Variants in MICALL2 observed in about 807,000 individuals in gnomAD.
The protein encoded by MICALL2 is MICAL-like protein 2.
In MICALL2, 111 loss-of-function variants were observed where a neutral mutation model predicts 91.1. The observed-to-expected ratio is 1.22, with a 90% CI of 1.04 to 1.43. The LOEUF is 1.43. MICALL2 is among the 40% of genes most tolerant of loss of function. The probability of loss-of-function intolerance (pLI) is 0.00; values close to 1 mark genes in which losing one functional copy is unlikely to be tolerated. For missense variants in MICALL2, 1,556 were observed against 1,236.0 expected (o/e 1.26, Z -3.88); for synonymous variants, 694 against 525.3 (o/e 1.32, Z -4.39).
rs376582089 is a variant in MICALL2 at position 1,455,744 on chromosome 7, C to T, written c.143+3440G>A. The stretch of plus-strand genomic sequence containing the variant: ...ACAGCTGCTCTCCCTGAGGGCCAAG[C>T]GGAAGTGCTCTCTGCGTGCAGCAGG... On this transcript the variant is annotated intron_variant, in intron 1 of 16. Coordinates refer to ENST00000297508, the MANE Select transcript of MICALL2 (RefSeq NM_182924.4). 1.1e-4 allele frequency among the ~76,000 whole-genome samples: 17 copies of T among 152,038 alleles called. No individual in the cohort carries two copies. The South Asian group carries it at 1.7e-3, about 15-fold the overall frequency.
chr7:1,445,252 G>C lies in MICALL2; in HGVS notation c.818C>G (p.Pro273Arg). 2 of 1,612,366 alleles carry C rather than the reference G, an allele frequency of 1.2e-6. No individual in the cohort carries two copies. Among genetic ancestry groups the C allele is most frequent in the South Asian group, 1.1e-5 (1 of 91,038 alleles). ...MGVDSRTSCS[P>R]QKAQEANKAR... The stretch of plus-strand genomic sequence containing the variant: ...CTTGTTTGCCTCCTGGGCCTTCTGT[G>C]GGGAACAGGAGGTCCTGGAATCCAC... Residue 273 changes from proline to arginine, a missense_variant, in exon 6 of 17, where the codon CCA (proline) becomes CGA (arginine). Pro to Arg is a moderately radical substitution (Grantham distance 103, BLOSUM62 -2). Transcript: ENST00000297508.
chr7:1,442,255 C>T lies in MICALL2; in HGVS notation c.1648G>A (p.Ala550Thr), dbSNP rs1006052955. ...GCCTCTGGCTTCGGCCTGGAGCCAGCACCCACCCTGCCGACCCCTGAGGAT... is the reference window on the plus strand; with the variant it reads ...GCCTCTGGCTTCGGCCTGGAGCCAGTACCCACCCTGCCGACCCCTGAGGAT... Reference protein sequence around the residue: ...AESSGVGRVGAGSRPKPEAPM... With the variant: ...AESSGVGRVGTGSRPKPEAPM... The change falls in exon 7 of 17, where the codon GCT becomes ACT. Residue 550 changes from alanine to threonine, a missense_variant. Transcript: ENST00000297508. 5.6e-6 allele frequency: 9 copies of T among 1,612,748 alleles called. No homozygotes were observed. The highest frequency in any genetic ancestry group is 1.3e-5 in the African/African-American group (1 of 74,924).
chr7:1,447,056 C>T (rs904865070), intron 4 of MICALL2, among the ~76,000 whole-genome samples: 3 of 152,144 alleles, frequency 2.0e-5, no homozygotes, highest in Non-Finnish European at 4.4e-5. Flanking sequence ...AGTGGTCCTT[C>T]GGTGGCTGGG....
At chr7:1,447,495 G>A (rs368411416) in intron 4 of MICALL2, 80 bp downstream of exon 4, 68 of 863,274 alleles carry the variant, frequency 7.9e-5, no homozygotes, top group African/African-American at 6.3e-4. Context: ...CTTAGGGGCC[G>A]CACGTAGTCC....
chr7:1,443,156 C>T (rs1780390493), intron 6 of MICALL2, among the ~76,000 whole-genome samples: 1 of 149,164 alleles, frequency 6.7e-6, no homozygotes, highest in Non-Finnish European at 1.5e-5. Flanking sequence ...AGGCCAGCTT[C>T]CCCAGAGGAG....
chr7:1,438,868 C>T lies in MICALL2; in HGVS notation c.2094G>A (p.Glu698=), dbSNP rs776075057. The stretch of plus-strand genomic sequence containing the variant: ...GTTTGCCCTGAAGGTGAGGTTTCTT[C>T]TCCTCCTCCTTCCAGCTCTGCACTC... The part of the protein sequence containing the change: ...EARVQSWKEE[E]KKPHLQGKPG... Residue 698 remains glutamate (E), a synonymous_variant, in exon 10 of 17, where the codon GAG becomes GAA. Transcript: ENST00000297508. 3.7e-6 allele frequency: 6 copies of T among 1,608,980 alleles called. No homozygotes were observed. Among genetic ancestry groups the T allele is most frequent in the Admixed American group, 3.3e-5 (2 of 59,948 alleles).
rs1297733107 is a variant in MICALL2 at position 1,438,480 on chromosome 7, C to T, written c.2123-127G>A. 8.1e-6 allele frequency: 12 copies of T among 1,483,210 alleles called. No homozygotes were observed. The South Asian group carries it at 1.5e-4, about 18-fold the overall frequency. The allele number at this position is 1,483,210 out of a possible 1,614,324, so 91.9% of individuals were successfully genotyped here. A position where few individuals can be genotyped will look rare whatever the true frequency, so the allele number is the denominator to read the frequency against. On this transcript the variant is annotated intron_variant, in intron 10 of 16. Transcript: ENST00000297508. ...CCCCAGCCCTGCCTCCCTAATGCCC[C>T]ACACGCCCACTGGACTGCCCTGACC... is the stretch of plus-strand genomic sequence containing the variant.
chr7:1,450,587 G>A (rs1360945812), intron 1 of MICALL2: 9 of 378,620 alleles, frequency 2.4e-5, no homozygotes, highest in Non-Finnish European at 3.0e-5. Flanking sequence ...CAGGAAGCAG[G>A]CCTGGGAGGT....
chr7:1,444,502 C>A (rs777713204), intron 6 of MICALL2, 150 bp downstream of exon 6: 553 of 803,266 alleles, frequency 6.9e-4, no homozygotes, highest in Admixed American at 2.9e-3. Flanking sequence ...CCTCCCCATT[C>A]CCCAGAGAAG....
intron 1 of MICALL2, among the ~76,000 whole-genome samples, chr7:1,455,779 G>A (rs530749118): frequency 2.6e-5 from 4 of 152,106 alleles, no homozygotes; most frequent in Non-Finnish European, 5.9e-5. Context: ...GAAGGACTAA[G>A]GCCAGACAAA....
At chr7:1,454,166 TGGGGAGGGC>T (rs1210345172) in intron 1 of MICALL2, among the ~76,000 whole-genome samples, 1 of 71,898 alleles carries the variant, frequency 1.4e-5, no homozygotes, top group Non-Finnish European at 2.7e-5. Context: ...CGCCATGGAG[TGGGGAGGGC>T]GGGGGGGTGC....
At chr7:1,437,377 G>GTT in intron 14 of MICALL2, 158 bp downstream of exon 14, 9 of 636,446 alleles carry the variant, frequency 1.4e-5, no homozygotes, top group Non-Finnish European at 2.4e-5. Context: ...ACACAGCCAG[G>GTT]AGGTGGGAGA....
intron 14 of MICALL2, 124 bp from the exon 15 acceptor site, chr7:1,436,980 G>T: frequency 3.1e-6 from 2 of 641,586 alleles, no homozygotes; most frequent in Non-Finnish European, 5.0e-6. Flanking sequence ...GTCTTGGGGG[G>T]ATCCGGAGCA....
rs10435184 is a variant in MICALL2, at chr7:1,444,936, A to G, written c.1134T>C (p.Gly378=). 1,502,198 of 1,520,126 alleles carry G rather than the reference A, an allele frequency of 0.99. 742,289 individuals are homozygous for G. The highest frequency in any genetic ancestry group is 1 in the East Asian group (41,548 of 41,548). The allele number at this position is 1,520,126 out of a possible 1,614,324, so 94.2% of individuals were successfully genotyped here. A position where few individuals can be genotyped will look rare whatever the true frequency, so the allele number is the denominator to read the frequency against. Residue 378 remains glycine, a synonymous_variant, in exon 6 of 17, where the codon GGT becomes GGC. Coordinates refer to ENST00000297508, the MANE Select transcript of MICALL2 (RefSeq NM_182924.4). The part of the protein sequence containing the change: ...APDPRPATPQ[G]GGAPRVAAPQ... ...GAGCTGCCACTCGGGGGGCTCCCCC[A>G]CCCTGGGGTGTGGCCGGGCGAGGGT...
At chr7:1,458,333 C>G (rs1383295087) in intron 1 of MICALL2, among the ~76,000 whole-genome samples, 1 of 152,204 alleles carries the variant, frequency 6.6e-6, no homozygotes, top group Non-Finnish European at 1.5e-5. Flanking sequence ...ACCTTCCCAC[C>G]AAAAACACAC....
chr7:1,449,330 T>C (rs2128524159), intron 2 of MICALL2, among the ~76,000 whole-genome samples: 1 of 152,302 alleles, frequency 6.6e-6, no homozygotes, highest in South Asian at 2.1e-4. Flanking sequence ...TATTATTATG[T>C]TTTTGGAGAC....
chr7:1,439,343 C>G (rs181738886), intron 9 of MICALL2: 441 of 269,126 alleles, frequency 1.6e-3, no homozygotes, highest in African/African-American at 8.9e-3. Context: ...CACGTGGACA[C>G]ACATGCATCA....
chr7:1,440,733 G>GGGGTGTCTGCAA (rs745450570), intron 7 of MICALL2, 49 bp from the exon 8 acceptor site: 2 of 1,507,802 alleles, frequency 1.3e-6, no homozygotes, highest in Non-Finnish European at 1.8e-6. Flanking sequence ...TGCTGGGAAT[G>GGGGTGTCTGCAA]GGGTGTCTGC....
intron 6 of MICALL2, 70 bp downstream of exon 6, chr7:1,444,582 T>A: frequency 6.8e-7 from 1 of 1,470,246 alleles, no homozygotes; most frequent in Non-Finnish European, 9.1e-7. Flanking sequence ...CCAACCCCTC[T>A]GGCCTCCGGG....
Sources: gnomAD v4.1 joint callset for allele counts (sites outside exome capture counted in the v4.1 genomes callset) on GRCh38, gnomAD v4.1.1 for gene constraint, MANE v1.5 for transcripts, NCBI Gene and HGNC (gene_info 2026-07-23, HGNC 2026-07-21) for gene names.